The following NEK5 variants were observed in gnomAD, a reference collection of about 807,000 sequenced individuals.
NEK5 encodes NIMA related kinase 5.
In NEK5, 88 loss-of-function variants were observed where a neutral mutation model predicts 109.2. The ratio of observed to expected loss-of-function variants is 0.81; its 90% CI spans 0.68 to 0.96. NEK5 has a LOEUF of 0.96. Among genes scored for constraint, NEK5 ranks in the 40% least tolerant of loss-of-function variants. NEK5 has a pLI of 0.00. For missense variants in NEK5, 834 were observed against 920.7 expected (o/e 0.91, Z 1.22); for synonymous variants, 283 against 299.9 (o/e 0.94, Z 0.58).
chr13:52,080,268 G>C (rs939847203), intron 17 of NEK5, among the ~76,000 whole-genome samples: 3 of 141,062 alleles, frequency 2.1e-5, no homozygotes, highest in African/African-American at 5.0e-5. Context: ...AGGGAGGTGG[G>C]GGGGGGTCAG....
intron 12 of NEK5, among the ~76,000 whole-genome samples, chr13:52,098,849 C>A (rs552626700): frequency 6.6e-6 from 1 of 152,246 alleles, no homozygotes; most frequent in African/African-American, 2.4e-5. Context: ...TTATAATGCT[C>A]AGTACAGAAT....
intron 11 of NEK5, among the ~76,000 whole-genome samples, chr13:52,101,167 G>A (rs1256207829): frequency 6.6e-6 from 1 of 152,198 alleles, no homozygotes; most frequent in Non-Finnish European, 1.5e-5. Context: ...GGGAGGCAGA[G>A]GCGGGCGGAT....
intron 9 of NEK5, 65 bp downstream of exon 9, chr13:52,104,433 C>T: frequency 8.8e-7 from 1 of 1,141,592 alleles, no homozygotes; most frequent in Non-Finnish European, 1.3e-6. Flanking sequence ...CTTTTTCTCC[C>T]AGAAGTTAAT....
At chr13:52,126,381 T>TA (rs1225160837) in intron 3 of NEK5, among the ~76,000 whole-genome samples, 1 of 152,250 alleles carries the variant, frequency 6.6e-6, no homozygotes, top group African/African-American at 2.4e-5. Flanking sequence ...GTTTAGCACC[T>TA]ATTATGTGAC....
intron 19 of NEK5, 27 bp from the exon 20 acceptor site, chr13:52,072,097 A>G (rs1400017162): frequency 1.3e-6 from 2 of 1,576,378 alleles, no homozygotes; most frequent in East Asian, 2.2e-5. Context: ...GTGTTTCATG[A>G]TAAATTAGCC....
chr13:52,068,379 TAAATACCTCAGTA>T (rs1183527448), intron 20 of NEK5, among the ~76,000 whole-genome samples: 2 of 152,180 alleles, frequency 1.3e-5, no homozygotes, highest in African/African-American at 4.8e-5. Flanking sequence ...AAGTGGTCTG[TAAATACCTCAGTA>T]AGGTTTTACA....
rs5803591 is a variant in NEK5, at chr13:52,068,466, TACACAC to T, written c.1850-2863_1850-2858del. On this transcript the variant is annotated intron_variant, in intron 20 of 23. Transcript: ENST00000684899. ...ATTCCTAAGTGGATGAATACACAAA[TACACAC>T]ACACACACACACACACACACACACT... 2.0e-3 allele frequency among the ~76,000 whole-genome samples: 297 copies of T among 148,226 alleles called. 1 individual carries two copies. The highest frequency in any genetic ancestry group is 4.7e-3 in the African/African-American group (190 of 40,254).
intron 14 of NEK5, among the ~76,000 whole-genome samples, chr13:52,088,901 G>A (rs1955213028): frequency 6.6e-6 from 1 of 151,836 alleles, no homozygotes; most frequent in Non-Finnish European, 1.5e-5. Context: ...GACCAGCCTG[G>A]ACAACATGGT....
intron 22 of NEK5, among the ~76,000 whole-genome samples, chr13:52,057,437 A>G (rs1482464109): frequency 6.6e-6 from 1 of 151,978 alleles, no homozygotes; most frequent in Non-Finnish European, 1.5e-5. Context: ...AATCCTCCCT[A>G]ACTCATTTTA....
At chr13:52,096,110 C>G (rs1955410320) in intron 12 of NEK5, among the ~76,000 whole-genome samples, 1 of 152,064 alleles carries the variant, frequency 6.6e-6, no homozygotes, top group African/African-American at 2.4e-5. Flanking sequence ...CTGAGGCCTC[C>G]CCAGCCATAC....
At chr13:52,071,389 C>G (rs941148847) in intron 20 of NEK5, among the ~76,000 whole-genome samples, 1 of 152,212 alleles carries the variant, frequency 6.6e-6, no homozygotes, top group Non-Finnish European at 1.5e-5. Flanking sequence ...CAATATGACC[C>G]TATAAAACTT....
At chr13:52,076,321 A>G (rs1187489460) in intron 17 of NEK5, among the ~76,000 whole-genome samples, 178 bp from the exon 18 acceptor site, 1 of 152,192 alleles carries the variant, frequency 6.6e-6, no homozygotes, top group Non-Finnish European at 1.5e-5. Context: ...TACATTTAAC[A>G]CTTGCACTTC....
intron 13 of NEK5, among the ~76,000 whole-genome samples, chr13:52,091,347 T>C (rs1955279948): frequency 6.6e-6 from 1 of 152,204 alleles, no homozygotes; most frequent in Non-Finnish European, 1.5e-5. Flanking sequence ...CCCTCACTAA[T>C]TGAGTCCAAT....
intron 1 of NEK5, among the ~76,000 whole-genome samples, chr13:52,128,369 T>A (rs575082751): frequency 6.6e-6 from 1 of 152,270 alleles, no homozygotes; most frequent in East Asian, 1.9e-4. Context: ...TTCAGGCGAC[T>A]CCCCAGGCGC....
At chr13:52,062,447 CAG>C (rs1235038806) in intron 21 of NEK5, among the ~76,000 whole-genome samples, 1 of 150,146 alleles carries the variant, frequency 6.7e-6, no homozygotes, top group Non-Finnish European at 1.5e-5. Flanking sequence ...TTTTTTGAGA[CAG>C]AGTCTCACTC....
At chr13:52,079,519 C>A (rs2137837157) in intron 17 of NEK5, among the ~76,000 whole-genome samples, 1 of 152,392 alleles carries the variant, frequency 6.6e-6, no homozygotes, top group East Asian at 1.9e-4. Context: ...CCGGGCTGGT[C>A]TCCAGCTCCT....
At chr13:52,086,486 TC>T in intron 15 of NEK5, 123 bp from the exon 16 acceptor site, 1 of 672,446 alleles carries the variant, frequency 1.5e-6, no homozygotes, top group Non-Finnish European at 2.6e-6. Flanking sequence ...AATATGTTGC[TC>T]CTAAAGATGA....
At position 52,127,389 on chromosome 13, in the gene NEK5, T is replaced by C. The variant is rs199552760; in HGVS notation, c.94A>G (p.Ile32Val). 36 of 1,602,844 alleles carry C rather than the reference T, an allele frequency of 2.2e-5. No individual in the cohort carries two copies. Among genetic ancestry groups the C allele is most frequent in the Middle Eastern group, 3.3e-4 (2 of 6,042 alleles). The change falls in exon 3 of 24, where the codon ATA (isoleucine) becomes GTA (valine). Residue 32 changes from isoleucine to valine, a missense_variant. Transcript: ENST00000684899. ...KGKSDSKHCV[I>V]KEINFEKMPI... ...ACCTTTTCAAAATTGATCTCTTTTA[T>C]GACACAGTGCTTGCTATCTGATTTC... is the stretch of plus-strand genomic sequence containing the variant.
rs267603846 is a variant in NEK5, at chr13:52,087,343, C to T, written c.1387G>A (p.Glu463Lys). The T allele has an allele frequency of 6.7e-7, 1 of 1,502,598 alleles. No homozygotes were observed. The highest frequency in any genetic ancestry group is 9.3e-7 in the Non-Finnish European group (1 of 1,078,990). 93.1% of individuals were successfully genotyped at this position (1,502,598 alleles called of 1,614,324 possible). Residue 463 changes from glutamate to lysine, a missense_variant, in exon 15 of 24, where the codon GAA (glutamate) becomes AAA (lysine). Physicochemically the swap from Glu to Lys is moderately conservative, Grantham distance 56. Coordinates refer to ENST00000684899, the MANE Select transcript of NEK5 (RefSeq NM_001365552.1). Reference sequence around the variant, plus strand: ...GGAATTAAACAGTTTTTAACCTGTTCCTTCATTTCGTTTTTCCTAAATGGC... The same window carrying T: ...GGAATTAAACAGTTTTTAACCTGTTTCTTCATTTCGTTTTTCCTAAATGGC... ...ELPFRKNEMK[E>K]QEYWKQLEEI...
Sources: gnomAD v4.1 joint callset for allele counts (sites outside exome capture counted in the v4.1 genomes callset) on GRCh38, gnomAD v4.1.1 for gene constraint, MANE v1.5 for transcripts, NCBI Gene and HGNC (gene_info 2026-07-23, HGNC 2026-07-21) for gene names.